Variants in KLHL30 observed in about 807,000 individuals in gnomAD.
KLHL30 encodes kelch like family member 30, also known as kelch-like protein 30.
In KLHL30, 55 loss-of-function variants were observed where a neutral mutation model predicts 55.0. The ratio of observed to expected loss-of-function variants is 1.00; its 90% CI spans 0.80 to 1.25. KLHL30 has a LOEUF of 1.25. Among genes scored for constraint, KLHL30 ranks in the 50% most tolerant of loss-of-function variants. The probability of loss-of-function intolerance (pLI) is 0.00; values close to 1 mark genes in which losing one functional copy is unlikely to be tolerated. For missense variants in KLHL30, 786 were observed against 811.6 expected (o/e 0.97, Z 0.38); for synonymous variants, 356 against 372.6 (o/e 0.96, Z 0.51).
In KLHL30 at chr2:238,141,029, A is replaced by G; in HGVS notation, c.275A>G (p.Tyr92Cys). The G allele has an allele frequency of 6.2e-7, 1 of 1,612,382 alleles. No individual in the cohort carries two copies. The highest frequency in any genetic ancestry group is 1.7e-5 in the Admixed American group (1 of 60,012). ...AVVGQLVDFV[Y>C]TGRLTITQGN... Reference sequence around the variant, plus strand: ...GTGGGACAACTGGTGGACTTCGTGTACACAGGCCGGCTGACCATCACGCAG... The same window carrying G: ...GTGGGACAACTGGTGGACTTCGTGTGCACAGGCCGGCTGACCATCACGCAG... The change falls in exon 2 of 8, where the codon TAC becomes TGC. Residue 92 changes from tyrosine (Y) to cysteine (C), a missense_variant. Tyr to Cys is a radical substitution (Grantham distance 194). Coordinates refer to ENST00000409223, the MANE Select transcript of KLHL30 (RefSeq NM_198582.4).
chr2:238,144,838 G>C, intron 3 of KLHL30, 64 bp from the exon 4 acceptor site: 1 of 1,206,336 alleles, frequency 8.3e-7, no homozygotes, highest in Non-Finnish European at 1.2e-6. Context: ...TGGGAAGGGG[G>C]AGTGGGGACC....
chr2:238,145,944 C>A, intron 5 of KLHL30, 112 bp downstream of exon 5: 1 of 1,224,184 alleles, frequency 8.2e-7, no homozygotes, highest in Non-Finnish European at 1.1e-6. Flanking sequence ...GATGCCGCTC[C>A]CACTGCCACC....
Position 238,148,996 on chromosome 2 carries a change from G to GC in KLHL30, c.1340-5dup, listed in dbSNP as rs758269745. 25 of 1,580,826 alleles carry GC rather than the reference G, an allele frequency of 1.6e-5. No individual in the cohort carries two copies. In the Admixed American group the frequency reaches 4.6e-4, roughly 29 times the overall value. ...CCTGGTGACGGTGGCCAGTGCCCGT[G>GC]CCCCCCACAGATGCGTGGAGTGTGA... On this transcript the variant is annotated splice_polypyrimidine_tract_variant and intron_variant, in intron 6 of 7. Transcript: ENST00000409223.
intron 2 of KLHL30, among the ~76,000 whole-genome samples, chr2:238,142,211 C>A (rs1054572649): frequency 1.3e-5 from 2 of 152,344 alleles, no homozygotes; most frequent in African/African-American, 4.8e-5. Flanking sequence ...AAGAGTGGCT[C>A]AGACTGATGG....
intron 1 of KLHL30, among the ~76,000 whole-genome samples, chr2:238,139,729 G>T (rs1485223665): frequency 1.3e-5 from 2 of 152,180 alleles, no homozygotes; most frequent in Non-Finnish European, 2.9e-5. Context: ...CGCCTCTCCT[G>T]CCCGGGATGG....
intron 3 of KLHL30, among the ~76,000 whole-genome samples, chr2:238,143,876 C>G (rs1692585405): frequency 6.6e-6 from 1 of 152,228 alleles, no homozygotes; most frequent in African/African-American, 2.4e-5. Flanking sequence ...TGCCTGCCCA[C>G]AGTGCCAGGC....
At chr2:238,149,861 C>A (rs1474102412) in intron 7 of KLHL30, among the ~76,000 whole-genome samples, 2 of 152,146 alleles carry the variant, frequency 1.3e-5, no homozygotes, top group African/African-American at 4.8e-5. Flanking sequence ...GGGGACAGTG[C>A]CCAGGAAGTT....
intron 3 of KLHL30, among the ~76,000 whole-genome samples, chr2:238,143,462 C>T (rs1692578962): frequency 6.6e-6 from 1 of 152,272 alleles, no homozygotes; most frequent in African/African-American, 2.4e-5. Flanking sequence ...GAAATGGGCT[C>T]CTGCTGCTTC....
intron 3 of KLHL30, among the ~76,000 whole-genome samples, chr2:238,143,808 T>C (rs1181578656): frequency 6.6e-6 from 1 of 152,214 alleles, no homozygotes; most frequent in African/African-American, 2.4e-5. Context: ...GAAGAGCCTG[T>C]TGACGGCTGG....
Position 238,141,503 on chromosome 2 carries a change from C to A in KLHL30, c.749C>A (p.Ala250Glu). 6.9e-7 allele frequency: 1 copy of A among 1,459,628 alleles called. No individual in the cohort carries two copies. Among genetic ancestry groups the A allele is most frequent in the Non-Finnish European group, 9.0e-7 (1 of 1,111,106 alleles). The allele number at this position is 1,459,628 out of a possible 1,614,324, so 90.4% of individuals were successfully genotyped here. A position where few individuals can be genotyped will look rare whatever the true frequency, so the allele number is the denominator to read the frequency against. ...ATCCAGGAGTCAGAGGCATGCCGGG[C>A]AGCCCTGTCCCAGGGCCATGATGGG... ...PLIQESEACR[A>E]ALSQGHDGAP... Residue 250 changes from alanine (A) to glutamate (E), a missense_variant, in exon 2 of 8, where the codon GCA becomes GAA. Transcript: ENST00000409223.
chr2:238,144,428 AAGGAAGGCAGGCAGGCAGGCAGGCAGGC>A (rs1340900997), intron 3 of KLHL30, among the ~76,000 whole-genome samples: 63 of 76,992 alleles, frequency 8.2e-4, no homozygotes, highest in Middle Eastern at 5.6e-3. Flanking sequence ...GGAAGGAAGG[AAGGAAGGCAGGCAGGCAGGCAGGCAGGC>A]AGGCAGGCAG....
chr2:238,139,765 G>A lies in KLHL30; in HGVS notation c.-70-920G>A, dbSNP rs753134024. The stretch of plus-strand genomic sequence containing the variant: ...CCCCGCGAGGCGCCCCCTAGCGGGC[G>A]AACGGCCTCTCCGCTGCGCAGCCTT... On this transcript the variant is annotated intron_variant, in intron 1 of 7. Coordinates refer to ENST00000409223, the MANE Select transcript of KLHL30 (RefSeq NM_198582.4). 7.4e-4 allele frequency among the ~76,000 whole-genome samples: 113 copies of A among 152,236 alleles called. 1 individual carries two copies. The highest frequency in any genetic ancestry group is 1.8e-3 in the Admixed American group (28 of 15,290).
In KLHL30 at chr2:238,145,690, C is replaced by A; in HGVS notation, c.1008C>A (p.Gly336=). Residue 336 remains glycine, a synonymous_variant, in exon 5 of 8, where the codon GGC becomes GGA. Transcript: ENST00000409223. ...TTCTCCCGGCAGGTGGCTCTCGGGGCACAAAGACAGACACCTGGTCAACCA... is the reference window on the plus strand; with the variant it reads ...TTCTCCCGGCAGGTGGCTCTCGGGGAACAAAGACAGACACCTGGTCAACCA... ...NNIYVTGGSR[G]TKTDTWSTTQ... 1 of 1,581,306 alleles carries A rather than the reference C, an allele frequency of 6.3e-7. No homozygotes were observed. The highest frequency in any genetic ancestry group is 8.6e-7 in the Non-Finnish European group (1 of 1,165,616).
In KLHL30 at chr2:238,149,024, G is replaced by A. The variant is rs761930593; in HGVS notation, c.1357G>A (p.Ala453Thr). 3.0e-5 allele frequency: 48 copies of A among 1,606,456 alleles called. No homozygotes were observed. The highest frequency in any genetic ancestry group is 3.8e-5 in the Non-Finnish European group (45 of 1,176,866). The part of the protein sequence containing the change: ...NPVTDAWSVI[A>T]SPFLPKYLSS... ...CCCCACAGATGCGTGGAGTGTGATC[G>A]CCTCGCCCTTCCTGCCCAAGTACCT... Residue 453 changes from alanine (A) to threonine (T), a missense_variant, in exon 7 of 8, where the codon GCC (alanine) becomes ACC (threonine). Coordinates refer to ENST00000409223, the MANE Select transcript of KLHL30 (RefSeq NM_198582.4).
At chr2:238,139,988 T>A (rs1261168481) in intron 1 of KLHL30, among the ~76,000 whole-genome samples, 5 of 152,202 alleles carry the variant, frequency 3.3e-5, no homozygotes, top group African/African-American at 4.8e-5. Flanking sequence ...GCTGGCCGTT[T>A]CTGTTTAGCA....
At chr2:238,150,736 C>T (rs1692738441) in intron 7 of KLHL30, 78 bp from the exon 8 acceptor site, 23 of 1,485,766 alleles carry the variant, frequency 1.5e-5, no homozygotes, top group Non-Finnish European at 2.1e-5. Context: ...CTGCCACTCC[C>T]CCGACCCTGC....
chr2:238,151,955 T>A lies in KLHL30; in HGVS notation c.*890T>A, dbSNP rs1424267928. On this transcript the variant is annotated 3_prime_UTR_variant, in exon 8 of 8. Transcript: ENST00000409223. ...AGCATCCGATGGGCCCCTGCCAGCA[T>A]GCAGCCCGACTCCGGCTGGCTCAGG... 1 of 985,364 alleles carries A rather than the reference T, an allele frequency of 1.0e-6. No homozygotes were observed. Among genetic ancestry groups the A allele is most frequent in the African/African-American group, 1.7e-5 (1 of 57,232 alleles). The allele number at this position is 985,364 out of a possible 1,614,324, so 61.0% of individuals were successfully genotyped here.
rs928530880 is a variant in KLHL30, at chr2:238,147,337, T to G, written c.1151-497T>G. 9.2e-5 allele frequency among the ~76,000 whole-genome samples: 14 copies of G among 151,476 alleles called. No homozygotes were observed. The highest frequency in any genetic ancestry group is 2.1e-4 in the South Asian group (1 of 4,792). On this transcript the variant is annotated intron_variant, in intron 5 of 7. Coordinates refer to ENST00000409223, the MANE Select transcript of KLHL30 (RefSeq NM_198582.4). The surrounding 1 kb of genome is among the most constrained non-coding windows in gnomAD (Gnocchi z 5.8). ...GCTCCCGAGCCCAGGGCTTGTGAGG[T>G]CCCCAGGTGCTCACAGAGGCCCAGG... is the stretch of plus-strand genomic sequence containing the variant.
chr2:238,141,648 G>A (rs1359057470), intron 2 of KLHL30, 120 bp downstream of exon 2: 7 of 1,157,074 alleles, frequency 6.0e-6, no homozygotes, highest in Middle Eastern at 3.0e-4. Flanking sequence ...ACCTTGCCAC[G>A]CTCCTTGTTT....
Sources: gnomAD v4.1 joint callset for allele counts (sites outside exome capture counted in the v4.1 genomes callset) on GRCh38, gnomAD v4.1.1 for gene constraint, Gnocchi (gnomAD v3.1) non-coding constraint, MANE v1.5 for transcripts, NCBI Gene and HGNC (gene_info 2026-07-23, HGNC 2026-07-21) for gene names.